Variants in TAF2 observed in about 807,000 individuals in gnomAD.
TAF2 encodes TATA-box binding protein associated factor 2, also known as transcription initiation factor TFIID subunit 2.
Under a neutral mutation model 138.5 loss-of-function variants are expected in TAF2, and 61 were observed. The observed-to-expected ratio is 0.44, with a 90% CI of 0.36 to 0.54. TAF2 has a LOEUF of 0.54. TAF2 is among the 20% of genes least tolerant of loss of function. The pLI is 0.00. For missense variants in TAF2, 1,090 were observed against 1,427.9 expected, an observed-to-expected ratio of 0.76 and a Z score of 3.81; for synonymous variants, 475 against 469.9, an observed-to-expected ratio of 1.01 and a Z score of -0.14.
intron 3 of TAF2, among the ~76,000 whole-genome samples, chr8:119,818,231 T>C (rs542429727): frequency 1.3e-5 from 2 of 152,354 alleles, no homozygotes; most frequent in East Asian, 3.9e-4. Context: ...CTACCCACAA[T>C]TTCTGATTCA....
intron 9 of TAF2, among the ~76,000 whole-genome samples, chr8:119,795,313 C>T (rs9693192): frequency 0.033 from 5,077 of 152,128 alleles, 158 homozygotes; most frequent in South Asian, 0.11. Flanking sequence ...GTTTAAGAAA[C>T]TTAAATATTC....
Position 119,781,087 on chromosome 8 carries a change from T to C in TAF2, c.2219A>G (p.Asn740Ser). 1.2e-6 allele frequency: 2 copies of C among 1,613,786 alleles called. No homozygotes were observed. Among genetic ancestry groups the C allele is most frequent in the South Asian group, 1.1e-5 (1 of 91,048 alleles). Reference sequence around the variant, plus strand: ...AAAATAGCTTTGAAAGCTCATAAAGTTGTTTGTTTTCACAATGTTTGGACA... The same window carrying C: ...AAAATAGCTTTGAAAGCTCATAAAGCTGTTTGTTTTCACAATGTTTGGACA... ...KSCPNIVKTN[N>S]FMSFQSYFLQ... The change falls in exon 17 of 26, where the codon AAC becomes AGC. Residue 740 changes from asparagine (N) to serine (S), a missense_variant. Coordinates refer to ENST00000378164, the MANE Select transcript of TAF2 (RefSeq NM_003184.4).
At chr8:119,757,420 G>A (rs1007055038) in intron 21 of TAF2, among the ~76,000 whole-genome samples, 2 of 151,894 alleles carry the variant, frequency 1.3e-5, no homozygotes, top group Non-Finnish European at 2.9e-5. Flanking sequence ...TCTAAGAGCC[G>A]ATCAGTATTA....
chr8:119,798,974 AC>A (rs1824033527), intron 6 of TAF2, among the ~76,000 whole-genome samples: 1 of 152,168 alleles, frequency 6.6e-6, no homozygotes, highest in Non-Finnish European at 1.5e-5. Flanking sequence ...GACAAATCCT[AC>A]AAGACAGCAA....
In TAF2 at chr8:119,832,541, G is replaced by A. The variant is rs377088958; in HGVS notation, c.24C>T (p.Pro8=). The A allele has an allele frequency of 1.5e-5, 24 of 1,609,372 alleles. No homozygotes were observed. The African/African-American group carries it at 2.0e-4, about 13-fold the overall frequency. MPLTGVE[P]ARMNRKKGDK... ...CTCCTTTCTTCCTGTTCATTCTGGC[G>A]GGCTCTACACCAGTCAGCGGCATGA... The change falls in exon 1 of 26, where the codon CCC becomes CCT. Residue 8 remains proline (P), a synonymous_variant. Coordinates refer to ENST00000378164, the MANE Select transcript of TAF2 (RefSeq NM_003184.4).
chr8:119,755,970 TA>T lies in TAF2; in HGVS notation c.2878+35del, dbSNP rs1168539937. The T allele has an allele frequency of 6.2e-6, 9 of 1,444,754 alleles. No homozygotes were observed. The East Asian group carries it at 2.1e-4, about 33-fold the overall frequency. 89.5% of individuals were successfully genotyped at this position (1,444,754 alleles called of 1,614,324 possible). On this transcript the variant is annotated intron_variant, in intron 22 of 25. Transcript: ENST00000378164. ...CTGTTGTAAAATCAAAATACTCTAGTAATAATAAAAACAATTTAAATCCCTG... is the reference window on the plus strand; with the variant it reads ...CTGTTGTAAAATCAAAATACTCTAGTATAATAAAAACAATTTAAATCCCTG...
Position 119,818,732 on chromosome 8 carries a change from CCACACACA to C in TAF2, c.299+606_299+613del, listed in dbSNP as rs199991010. The stretch of plus-strand genomic sequence containing the variant: ...CACAAAGATGACAAAAAAATGAAGT[CCACACACA>C]CACACACACACACACACACACACAC... On this transcript the variant is annotated intron_variant, in intron 3 of 25. Coordinates refer to ENST00000378164, the MANE Select transcript of TAF2 (RefSeq NM_003184.4). Among the ~76,000 whole-genome samples, 398 of 110,958 alleles carry C rather than the reference CCACACACA, an allele frequency of 3.6e-3. 2 individuals are homozygous for C. Among genetic ancestry groups the C allele is most frequent in the African/African-American group, 0.016 (336 of 21,436 alleles). The allele number at this position is 110,958 out of a possible 152,430, so 72.8% of individuals were successfully genotyped here.
chr8:119,785,073 TATTAA>T (rs1822923224), intron 15 of TAF2, 123 bp downstream of exon 15: 2 of 706,206 alleles, frequency 2.8e-6, no homozygotes, highest in South Asian at 1.9e-5. Flanking sequence ...ATAGGGTTTC[TATTAA>T]ATTAAAATAA....
At chr8:119,827,586 G>A (rs1211781920) in intron 2 of TAF2, among the ~76,000 whole-genome samples, 1 of 152,128 alleles carries the variant, frequency 6.6e-6, no homozygotes, top group Non-Finnish European at 1.5e-5. Flanking sequence ...TGAAGGCTCA[G>A]TTACAACTAC....
intron 3 of TAF2, among the ~76,000 whole-genome samples, chr8:119,814,938 G>A (rs1265147857): frequency 6.7e-6 from 1 of 150,190 alleles, no homozygotes; most frequent in African/African-American, 2.4e-5. Flanking sequence ...GGGGTGGGGG[G>A]CTTCTCAAAG....
chr8:119,748,581 T>G (rs1820137726), intron 22 of TAF2, among the ~76,000 whole-genome samples: 1 of 152,028 alleles, frequency 6.6e-6, no homozygotes, highest in Non-Finnish European at 1.5e-5. Flanking sequence ...GAAAAAACAT[T>G]ACATAGTAAA....
chr8:119,805,750 G>A lies in TAF2; in HGVS notation c.418+533C>T, dbSNP rs575620482. On this transcript the variant is annotated intron_variant, in intron 4 of 25. Transcript: ENST00000378164. ...TTTTTTTTTAGCTTTAAAAAACAAC[G>A]GTGAAATAAATTGCTTTTTTCACAG... Among the ~76,000 whole-genome samples the A allele has an allele frequency of 1.8e-3, 273 of 151,806 alleles. 2 individuals carry two copies. The highest frequency in any genetic ancestry group is 6.2e-3 in the African/African-American group (255 of 41,382).
intron 18 of TAF2, among the ~76,000 whole-genome samples, chr8:119,766,737 G>A (rs1563848014): frequency 6.6e-6 from 1 of 152,080 alleles, no homozygotes; most frequent in Non-Finnish European, 1.5e-5. Flanking sequence ...GGGAAGTTGA[G>A]GCAGGAGAAT....
chr8:119,808,292 C>A (rs181682715), intron 3 of TAF2, among the ~76,000 whole-genome samples: 2,250 of 152,336 alleles, frequency 0.015, 32 homozygotes, highest in South Asian at 0.028. Context: ...ACTTTCTTTG[C>A]TCATCCATAA....
intron 18 of TAF2, 82 bp downstream of exon 18, chr8:119,777,937 C>T (rs564895316): frequency 2.2e-5 from 16 of 724,504 alleles, no homozygotes; most frequent in Non-Finnish European, 3.3e-5. Context: ...AAACAAAATA[C>T]CATTGGGTAG....
At chr8:119,788,242 A>G in intron 14 of TAF2, 96 bp downstream of exon 14, 1 of 1,085,348 alleles carries the variant, frequency 9.2e-7, no homozygotes, top group Admixed American at 1.8e-5. Context: ...TATAATTTAA[A>G]AAAAATTAGG....
chr8:119,781,391 T>C (rs1174876178), intron 16 of TAF2, among the ~76,000 whole-genome samples, 198 bp from the exon 17 acceptor site: 1 of 152,014 alleles, frequency 6.6e-6, no homozygotes, highest in East Asian at 1.9e-4. Context: ...AAAAGTTCTT[T>C]TTCCAGCCAG....
intron 18 of TAF2, among the ~76,000 whole-genome samples, chr8:119,776,259 G>A (rs976138851): frequency 6.0e-5 from 9 of 150,624 alleles, no homozygotes; most frequent in African/African-American, 1.5e-4. Flanking sequence ...GAGTCTTTAC[G>A]CTTAAATTAT....
At chr8:119,787,138 T>A (rs1353181497) in intron 14 of TAF2, among the ~76,000 whole-genome samples, 1 of 151,986 alleles carries the variant, frequency 6.6e-6, no homozygotes, top group Non-Finnish European at 1.5e-5. Context: ...TTGGAAAAAT[T>A]TTTGCAATCT....
Sources: gnomAD v4.1 joint callset for allele counts (sites outside exome capture counted in the v4.1 genomes callset) on GRCh38, gnomAD v4.1.1 for gene constraint, MANE v1.5 for transcripts, NCBI Gene and HGNC (gene_info 2026-07-23, HGNC 2026-07-21) for gene names.